Variants in KIAA1217 observed in about 807,000 individuals in gnomAD.
The protein encoded by KIAA1217 is sickle tail protein homolog.
Under a neutral mutation model 163.9 loss-of-function variants are expected in KIAA1217, and 88 were observed. That is an observed-to-expected ratio of 0.54 (90% CI 0.45 to 0.64). KIAA1217 has a LOEUF of 0.64. Among genes scored for constraint, KIAA1217 ranks in the 30% least tolerant of loss-of-function variants. The pLI, the probability that KIAA1217 is intolerant of heterozygous loss-of-function variation, is 0.00. For missense variants in KIAA1217, 2,372 were observed against 2,475.0 expected (o/e 0.96, Z 0.88); for synonymous variants, 903 against 923.1 (o/e 0.98, Z 0.39).
chr10:24,446,066 C>G (rs545572911), intron 5 of KIAA1217, among the ~76,000 whole-genome samples: 4 of 152,132 alleles, frequency 2.6e-5, no homozygotes, highest in African/African-American at 9.7e-5. Flanking sequence ...TTTTAATGAT[C>G]GCCATTCTAA....
chr10:24,502,993 A>G (rs1180901185), intron 9 of KIAA1217, among the ~76,000 whole-genome samples: 7 of 152,216 alleles, frequency 4.6e-5, no homozygotes, highest in African/African-American at 1.7e-4. Flanking sequence ...CTCAAAAAAA[A>G]CAAGATAAAT....
intron 1 of KIAA1217, among the ~76,000 whole-genome samples, chr10:23,762,685 G>A (rs138431320): frequency 0.011 from 1,639 of 152,272 alleles, 27 homozygotes; most frequent in African/African-American, 0.038. Flanking sequence ...AAGGCTGGAA[G>A]CATTCCCCTT....
At chr10:24,391,292 T>C (rs556931832) in intron 3 of KIAA1217, among the ~76,000 whole-genome samples, 9 of 151,046 alleles carry the variant, frequency 6.0e-5, no homozygotes, top group African/African-American at 2.2e-4. Flanking sequence ...GTGAGAGAGG[T>C]CTTAGAGAAG....
At chr10:24,502,555 T>G (rs1487429187) in intron 9 of KIAA1217, among the ~76,000 whole-genome samples, 1 of 152,194 alleles carries the variant, frequency 6.6e-6, no homozygotes, top group Non-Finnish European at 1.5e-5. Flanking sequence ...GATGTGCATC[T>G]CTGCATGAGA....
chr10:24,085,192 C>A (rs550494203), intron 2 of KIAA1217, among the ~76,000 whole-genome samples: 1 of 152,212 alleles, frequency 6.6e-6, no homozygotes, highest in South Asian at 2.1e-4. Flanking sequence ...GGGATTACCG[C>A]GTGAGCCACC....
In KIAA1217 at chr10:23,695,393, C is replaced by G. The variant is rs539345195; in HGVS notation, c.-321+159C>G. On this transcript the variant is annotated intron_variant, in intron 1 of 18. Coordinates refer to the KIAA1217 transcript ENST00000376462. The surrounding 1 kb of genome is among the most constrained non-coding windows in gnomAD (Gnocchi z 4.9). ...GTTTCGAGAGAGGGCAAGGACCCCC[C>G]CAGGAGGGCCAGGCCGGGAGGGGTC... is the stretch of plus-strand genomic sequence containing the variant. Among the ~76,000 whole-genome samples, 6 of 152,256 alleles carry G rather than the reference C, an allele frequency of 3.9e-5. No individual in the cohort carries two copies. In the South Asian group the frequency reaches 8.3e-4, roughly 21 times the overall value.
At chr10:24,486,747 C>G (rs954638657) in intron 6 of KIAA1217, among the ~76,000 whole-genome samples, 5 of 152,216 alleles carry the variant, frequency 3.3e-5, no homozygotes, top group Non-Finnish European at 5.9e-5. Context: ...TGTCTGCTCA[C>G]CCTGCGTAAA....
intron 2 of KIAA1217, among the ~76,000 whole-genome samples, chr10:24,235,882 T>C (rs2072180391): frequency 6.6e-6 from 1 of 152,186 alleles, no homozygotes; most frequent in Admixed American, 6.5e-5. Flanking sequence ...TCAGCATGGC[T>C]TCGTTTAGTT....
chr10:23,744,685 T>C (rs987965211), intron 1 of KIAA1217, among the ~76,000 whole-genome samples: 2 of 152,200 alleles, frequency 1.3e-5, no homozygotes, highest in Non-Finnish European at 2.9e-5. Context: ...ATTTACCCCG[T>C]GTTAGGGTTT....
intron 10 of KIAA1217, among the ~76,000 whole-genome samples, chr10:24,518,937 C>T (rs1225390424): frequency 6.6e-6 from 1 of 152,216 alleles, no homozygotes; most frequent in African/African-American, 2.4e-5. Flanking sequence ...TCACCAAAAA[C>T]TCCATCCCAC....
chr10:24,215,298 G>A (rs1292669870), intron 1 of KIAA1217, among the ~76,000 whole-genome samples: 1 of 152,144 alleles, frequency 6.6e-6, no homozygotes, highest in South Asian at 2.1e-4. Context: ...GGCTGGGAGG[G>A]GCAGGAAAGG....
intron 1 of KIAA1217, among the ~76,000 whole-genome samples, chr10:23,996,856 G>A (rs1846511908): frequency 6.6e-6 from 1 of 152,152 alleles, no homozygotes; most frequent in Admixed American, 6.5e-5. Flanking sequence ...TTGTATTGCG[G>A]AAACTCCAAC....
intron 6 of KIAA1217, chr10:24,482,064 C>T (rs903620820): frequency 1.3e-5 from 2 of 152,106 alleles, no homozygotes; most frequent in African/African-American, 4.8e-5. Flanking sequence ...CCTTAGACTC[C>T]TGAGTTCAGG....
intron 1 of KIAA1217, among the ~76,000 whole-genome samples, chr10:23,829,528 C>G (rs947539935): frequency 1.5e-4 from 23 of 152,138 alleles, no homozygotes; most frequent in African/African-American, 5.6e-4. Context: ...ATATTTGCTC[C>G]TTTTTATTAG....
At chr10:23,814,879 G>A (rs181751130) in intron 1 of KIAA1217, among the ~76,000 whole-genome samples, 1 of 152,106 alleles carries the variant, frequency 6.6e-6, no homozygotes, top group Admixed American at 6.5e-5. Context: ...AAGTGTGAAA[G>A]ATCCAGTGTT....
chr10:24,111,278 T>C (rs12254413), intron 2 of KIAA1217, among the ~76,000 whole-genome samples: 9,750 of 152,210 alleles, frequency 0.064, 873 homozygotes, highest in African/African-American at 0.2. Context: ...GAATAAATAG[T>C]TTCAATTCTG....
At chr10:23,817,523 T>A (rs1339223306) in intron 1 of KIAA1217, among the ~76,000 whole-genome samples, 1 of 152,100 alleles carries the variant, frequency 6.6e-6, no homozygotes, top group Non-Finnish European at 1.5e-5. Flanking sequence ...AGAGGCTAGG[T>A]AACTTGAGGA....
chr10:24,162,577 G>A (rs541974436), intron 2 of KIAA1217, among the ~76,000 whole-genome samples: 1 of 152,216 alleles, frequency 6.6e-6, no homozygotes, highest in Non-Finnish European at 1.5e-5. Flanking sequence ...TACCTGGGAT[G>A]ATTTCAAGGA....
upstream of KIAA1217, chr10:24,209,080 G>A: frequency 1.2e-6 from 1 of 818,470 alleles, no homozygotes. Flanking sequence ...GTGGGGTTTC[G>A]CACCGTCCCC....
Sources: allele counts gnomAD v4.1 joint callset (sites outside exome capture counted in the v4.1 genomes callset), GRCh38; gene constraint gnomAD v4.1.1; non-coding constraint Gnocchi (gnomAD v3.1); transcripts MANE v1.5; gene names NCBI Gene and HGNC (gene_info 2026-07-23, HGNC 2026-07-21).